Variants in RHOBTB1 observed in about 807,000 individuals in gnomAD.
RHOBTB1 encodes rho-related BTB domain-containing protein 1.
In RHOBTB1, 40 loss-of-function variants were observed where a neutral mutation model predicts 71.6. That is an observed-to-expected ratio of 0.56 (90% CI 0.43 to 0.73). RHOBTB1 has a LOEUF of 0.73. Ranked by LOEUF, RHOBTB1 falls within the 30% of genes least tolerant of loss-of-function variation. RHOBTB1 has a pLI of 0.00. For synonymous variants in RHOBTB1, 319 were observed against 334.9 expected, an observed-to-expected ratio of 0.95 and a Z score of 0.52; for missense variants, 797 against 894.0, an observed-to-expected ratio of 0.89 and a Z score of 1.38.
intron 2 of RHOBTB1, among the ~76,000 whole-genome samples, chr10:60,935,404 T>C (rs2084522121): frequency 6.6e-6 from 1 of 152,190 alleles, no homozygotes; most frequent in Non-Finnish European, 1.5e-5. Context: ...GCTGGTTATG[T>C]GAGTGTGTTC....
At chr10:60,907,528 G>A (rs1007152680) in intron 4 of RHOBTB1, among the ~76,000 whole-genome samples, 3 of 152,308 alleles carry the variant, frequency 2.0e-5, no homozygotes, top group Middle Eastern at 6.8e-3. Context: ...AAGGCCATAA[G>A]AGAGCTGGAG....
At chr10:60,959,869 T>C (rs2085719920) in intron 2 of RHOBTB1, among the ~76,000 whole-genome samples, 1 of 152,196 alleles carries the variant, frequency 6.6e-6, no homozygotes, top group African/African-American at 2.4e-5. Context: ...TCAAAGTGTT[T>C]CTTTGAAGAT....
intron 2 of RHOBTB1, among the ~76,000 whole-genome samples, chr10:60,977,843 T>C (rs2086364881): frequency 6.6e-6 from 1 of 152,138 alleles, no homozygotes; most frequent in South Asian, 2.1e-4. Context: ...TTGGATACTG[T>C]AATGCTTTGT....
intron 7 of RHOBTB1, among the ~76,000 whole-genome samples, chr10:60,883,683 G>C (rs1282260788): frequency 1.3e-5 from 2 of 152,174 alleles, no homozygotes; most frequent in African/African-American, 2.4e-5. Flanking sequence ...CTGGATACAA[G>C]AGGTAAAGAA....
intron 6 of RHOBTB1, among the ~76,000 whole-genome samples, chr10:60,887,635 C>T (rs1164026019): frequency 5.3e-5 from 8 of 152,140 alleles, no homozygotes; most frequent in Non-Finnish European, 1.2e-4. Flanking sequence ...AGCATGAGGA[C>T]GGAAAAGGAG....
At chr10:60,874,932 T>TA in intron 9 of RHOBTB1, 22 bp downstream of exon 9, 1 of 1,548,178 alleles carries the variant, frequency 6.5e-7, no homozygotes, top group Non-Finnish European at 8.9e-7. Flanking sequence ...ACTTAAAAGG[T>TA]AAAAAGCAAA....
chr10:60,914,463 A>T (rs958247301), intron 2 of RHOBTB1, among the ~76,000 whole-genome samples: 8 of 151,918 alleles, frequency 5.3e-5, no homozygotes, highest in African/African-American at 1.9e-4. Flanking sequence ...TTAAGGGTGA[A>T]TTTTTTTTAT....
chr10:60,876,312 T>A (rs936305331), intron 8 of RHOBTB1, among the ~76,000 whole-genome samples: 1 of 152,192 alleles, frequency 6.6e-6, no homozygotes, highest in East Asian at 1.9e-4. Flanking sequence ...GTATATTAAA[T>A]AATCATAACA....
chr10:60,939,466 T>C (rs1295221435), intron 2 of RHOBTB1, among the ~76,000 whole-genome samples: 1 of 152,168 alleles, frequency 6.6e-6, no homozygotes, highest in African/African-American at 2.4e-5. Context: ...CTCTTGACCC[T>C]TCCCTTAAAA....
intron 2 of RHOBTB1, among the ~76,000 whole-genome samples, chr10:60,979,409 G>T (rs2086421773): frequency 6.6e-6 from 1 of 152,092 alleles, no homozygotes; most frequent in African/African-American, 2.4e-5. Context: ...ATGAAACCAT[G>T]GCCTCCATCT....
rs536858194 is a variant in RHOBTB1 at position 60,965,390 on chromosome 10, T to A, written c.-62+20455A>T. 2.0e-5 allele frequency among the ~76,000 whole-genome samples: 3 copies of A among 152,200 alleles called. No homozygotes were observed. In the East Asian group the frequency reaches 5.8e-4, roughly 29 times the overall value. Reference sequence around the variant, plus strand: ...GTGGACTATTATTAAGTCCTCAGTTTATAGATGAAAAAAATGCTTTGGCAA... The same window carrying A: ...GTGGACTATTATTAAGTCCTCAGTTAATAGATGAAAAAAATGCTTTGGCAA... On this transcript the variant is annotated intron_variant, in intron 2 of 11. Coordinates refer to the RHOBTB1 transcript ENST00000357917.
intron 5 of RHOBTB1, 150 bp from the exon 6 acceptor site, chr10:60,889,335 T>C (rs1374360348): frequency 2.9e-6 from 2 of 691,224 alleles, no homozygotes; most frequent in Non-Finnish European, 4.6e-6. Flanking sequence ...CCTCAAGTCT[T>C]TGAACTATAA....
At chr10:60,891,279 A>G (rs1326199770) in intron 5 of RHOBTB1, among the ~76,000 whole-genome samples, 1 of 151,574 alleles carries the variant, frequency 6.6e-6, no homozygotes, top group African/African-American at 2.4e-5. Context: ...AAATTTTGTA[A>G]TAAGCCTATT....
At chr10:60,961,243 G>T (rs1368567160) in intron 2 of RHOBTB1, among the ~76,000 whole-genome samples, 1 of 152,074 alleles carries the variant, frequency 6.6e-6, no homozygotes. Flanking sequence ...AGGAAACCTT[G>T]TATTCAGGAA....
chr10:60,958,407 G>A (rs971146894), intron 2 of RHOBTB1, among the ~76,000 whole-genome samples: 1 of 152,118 alleles, frequency 6.6e-6, no homozygotes, highest in Non-Finnish European at 1.5e-5. Flanking sequence ...TATTGCACAG[G>A]TCAGAGAAGT....
At chr10:60,879,306 C>T (rs1478039801) in intron 7 of RHOBTB1, among the ~76,000 whole-genome samples, 1 of 152,126 alleles carries the variant, frequency 6.6e-6, no homozygotes, top group Non-Finnish European at 1.5e-5. Flanking sequence ...AAGAATTCTA[C>T]TTCAAAAGGA....
chr10:60,953,071 G>C (rs1287267495), intron 2 of RHOBTB1, among the ~76,000 whole-genome samples: 1 of 152,146 alleles, frequency 6.6e-6, no homozygotes, highest in East Asian at 1.9e-4. Context: ...TGCCAGCAAG[G>C]TCAGGTTGAT....
rs528256961 is a variant in RHOBTB1 at position 60,911,912 on chromosome 10, A to G, written c.-10-360T>C. Reference sequence around the variant, plus strand: ...TACTGGATACTCACGTTGGCCTGCTAGCAAGTCCGGTCACCTGTAGGGCTG... The same window carrying G: ...TACTGGATACTCACGTTGGCCTGCTGGCAAGTCCGGTCACCTGTAGGGCTG... On this transcript the variant is annotated intron_variant, in intron 2 of 10. Coordinates refer to ENST00000337910, the MANE Select transcript of RHOBTB1 (RefSeq NM_014836.5). Among the ~76,000 whole-genome samples, 4 of 152,300 alleles carry G rather than the reference A, an allele frequency of 2.6e-5. No individual in the cohort carries two copies. The South Asian group carries it at 8.3e-4, about 32-fold the overall frequency.
At chr10:60,878,712 T>A (rs1258067472) in intron 7 of RHOBTB1, among the ~76,000 whole-genome samples, 5 of 152,204 alleles carry the variant, frequency 3.3e-5, no homozygotes, top group Non-Finnish European at 7.3e-5. Context: ...TGGGTACAGG[T>A]GAACTGTCCC....
Sources: gnomAD v4.1 joint callset for allele counts (sites outside exome capture counted in the v4.1 genomes callset) on GRCh38, gnomAD v4.1.1 for gene constraint, MANE v1.5 for transcripts, NCBI Gene and HGNC (gene_info 2026-07-23, HGNC 2026-07-21) for gene names.